PARD3B: variants seen among roughly 807,000 people sequenced by gnomAD.
PARD3B encodes the protein par-3 family cell polarity regulator beta, also known as partitioning defective 3 homolog B.
PARD3B carries 103 observed loss-of-function variants against 130.2 expected under a neutral mutation model. The ratio of observed to expected loss-of-function variants is 0.79; its 90% CI spans 0.67 to 0.93. The LOEUF (loss-of-function observed/expected upper bound fraction) is 0.93. PARD3B is among the 40% of genes least tolerant of loss of function. PARD3B has a pLI of 0.00. For missense variants in PARD3B, 1,609 were observed against 1,499.2 expected (o/e 1.07, Z -1.21); for synonymous variants, 583 against 553.2 (o/e 1.05, Z -0.76).
chr2:204,679,661 C>A (rs1161415228), intron 1 of PARD3B, among the ~76,000 whole-genome samples: 2 of 150,396 alleles, frequency 1.3e-5, no homozygotes, highest in Admixed American at 6.6e-5. Flanking sequence ...GTAAATGTTA[C>A]AATTTTTTTT....
intron 19 of PARD3B, among the ~76,000 whole-genome samples, chr2:205,427,124 A>G (rs1446725623): frequency 6.6e-6 from 1 of 152,222 alleles, no homozygotes; most frequent in Non-Finnish European, 1.5e-5. Context: ...CACTCTGTTG[A>G]TGAGACTGTA....
intron 1 of PARD3B, among the ~76,000 whole-genome samples, chr2:204,640,538 G>T (rs2035040734): frequency 6.6e-6 from 1 of 152,112 alleles, no homozygotes. Flanking sequence ...CCCTTTCCTT[G>T]TCCCTTCAAG....
intron 2 of PARD3B, among the ~76,000 whole-genome samples, chr2:204,859,585 C>G (rs764746184): frequency 1.3e-5 from 2 of 152,142 alleles, no homozygotes; most frequent in Non-Finnish European, 2.9e-5. Flanking sequence ...TATAAATGAA[C>G]TTGATTCCTG....
Position 205,176,424 on chromosome 2 carries a change from A to G in PARD3B, c.1792-21A>G. 1 of 1,579,738 alleles carries G rather than the reference A, an allele frequency of 6.3e-7. No individual in the cohort carries two copies. Among genetic ancestry groups the G allele is most frequent in the Admixed American group, 2.0e-5 (1 of 51,046 alleles). On this transcript the variant is annotated intron_variant, in intron 12 of 22. Coordinates refer to ENST00000406610, the MANE Select transcript of PARD3B (RefSeq NM_001302769.2). This position sits in a 1 kb window ranked among gnomAD's most constrained non-coding sequence, Gnocchi z 5.3. ...GGAACATATTAAAAATGCAAATGTAATTTTTACTTTTATCTCTTAGGATCC... is the reference window on the plus strand; with the variant it reads ...GGAACATATTAAAAATGCAAATGTAGTTTTTACTTTTATCTCTTAGGATCC...
At chr2:205,388,606 A>G (rs2045744563) in intron 18 of PARD3B, among the ~76,000 whole-genome samples, 1 of 152,170 alleles carries the variant, frequency 6.6e-6, no homozygotes, top group Non-Finnish European at 1.5e-5. Flanking sequence ...GTTGTTGTTT[A>G]ATTCTGGATA....
chr2:205,253,627 C>A lies in PARD3B; in HGVS notation c.2185+7805C>A. On this transcript the variant is annotated intron_variant, in intron 16 of 22. Coordinates refer to ENST00000406610, the MANE Select transcript of PARD3B (RefSeq NM_001302769.2). This position sits in a 1 kb window ranked among gnomAD's most constrained non-coding sequence, Gnocchi z 4.4. ...AGAAGCCTCCTTGGGGTTCCATTAC[C>A]CACACTCCAAGGTGGAAATCTTTCA... 2.7e-6 allele frequency: 1 copy of A among 372,608 alleles called. No individual in the cohort carries two copies. The highest frequency in any genetic ancestry group is 2.1e-5 in the South Asian group (1 of 47,640). The allele number at this position is 372,608 out of a possible 1,614,324, so 23.1% of individuals were successfully genotyped here.
At chr2:204,824,346 C>T (rs1268018582) in intron 2 of PARD3B, among the ~76,000 whole-genome samples, 2 of 152,110 alleles carry the variant, frequency 1.3e-5, no homozygotes, top group Non-Finnish European at 2.9e-5. Context: ...ATCCTTCTAC[C>T]AAAGATCACA....
chr2:204,658,237 C>T (rs2035699103), intron 1 of PARD3B, among the ~76,000 whole-genome samples: 1 of 152,056 alleles, frequency 6.6e-6, no homozygotes, highest in Non-Finnish European at 1.5e-5. Context: ...TCCTTCAAGT[C>T]AAACTATTGC....
In PARD3B at chr2:204,781,956, CTCT is replaced by C. The variant is rs1488019692; in HGVS notation, c.222+95676_222+95678del. On this transcript the variant is annotated intron_variant, in intron 2 of 22. Transcript: ENST00000406610. ...TTCCAGCTTTTATTATCAGATTCTG[CTCT>C]TAATATTTATCTTGTTCTTTTTTAC... 5.9e-5 allele frequency among the ~76,000 whole-genome samples: 9 copies of C among 152,094 alleles called. No homozygotes were observed. The East Asian group carries it at 1.5e-3, about 26-fold the overall frequency.
At chr2:205,132,623 A>G (rs2125649709) in intron 10 of PARD3B, among the ~76,000 whole-genome samples, 1 of 152,316 alleles carries the variant, frequency 6.6e-6, no homozygotes, top group Middle Eastern at 3.4e-3. Context: ...ATGCGCCCGA[A>G]TCACACAATA....
rs1466673550 is a variant in PARD3B, at chr2:205,397,161, G to T, written c.2631-3852G>T. On this transcript the variant is annotated intron_variant, in intron 18 of 22. Coordinates refer to ENST00000406610, the MANE Select transcript of PARD3B (RefSeq NM_001302769.2). This position sits in a 1 kb window ranked among gnomAD's most constrained non-coding sequence, Gnocchi z 4.8. ...TCATCTTAACAATGCGGGAGTTTTT[G>T]TTTTTGTTTTTAAGATTATTGTTTT... 6.6e-6 allele frequency among the ~76,000 whole-genome samples: 1 copy of T among 152,138 alleles called. No homozygotes were observed. The highest frequency in any genetic ancestry group is 1.5e-5 in the Non-Finnish European group (1 of 67,990).
chr2:204,654,592 T>A (rs1559032752), intron 1 of PARD3B, among the ~76,000 whole-genome samples: 1 of 152,162 alleles, frequency 6.6e-6, no homozygotes, highest in Non-Finnish European at 1.5e-5. Flanking sequence ...TTTATATCCA[T>A]ATAGTGGATT....
rs1262306550 is a variant in PARD3B at position 205,550,220 on chromosome 2, T to C, written c.3181-3104T>C. On this transcript the variant is annotated intron_variant, in intron 21 of 22. Coordinates refer to ENST00000406610, the MANE Select transcript of PARD3B (RefSeq NM_001302769.2). This position sits in a 1 kb window ranked among gnomAD's most constrained non-coding sequence, Gnocchi z 4.5. ...TCCATATTCAGGTTTGAGATGACGC[T>C]TCAACACCCGTATGACGCTGTCTTC... Among the ~76,000 whole-genome samples, 3 of 152,152 alleles carry C rather than the reference T, an allele frequency of 2.0e-5. No individual in the cohort carries two copies. The highest frequency in any genetic ancestry group is 7.2e-5 in the African/African-American group (3 of 41,428).
intron 22 of PARD3B, among the ~76,000 whole-genome samples, chr2:205,593,114 A>G (rs764388022): frequency 2.0e-5 from 3 of 152,250 alleles, no homozygotes; most frequent in Admixed American, 6.5e-5. Context: ...TTTTAGAACT[A>G]CAGAGGAAAG....
intron 11 of PARD3B, among the ~76,000 whole-genome samples, chr2:205,161,518 G>GA (rs369267800): frequency 1.0e-4 from 15 of 150,296 alleles, no homozygotes; most frequent in African/African-American, 3.0e-4. Flanking sequence ...TTAACCAGGG[G>GA]AAAAAAAAGT....
At chr2:205,376,551 G>A (rs2045061853) in intron 18 of PARD3B, among the ~76,000 whole-genome samples, 1 of 152,152 alleles carries the variant, frequency 6.6e-6, no homozygotes, top group Non-Finnish European at 1.5e-5. Flanking sequence ...TAGTCTGCTG[G>A]TTTCTGTCAA....
chr2:204,628,168 T>C (rs2034552442), intron 1 of PARD3B, among the ~76,000 whole-genome samples: 1 of 152,118 alleles, frequency 6.6e-6, no homozygotes, highest in Non-Finnish European at 1.5e-5. Context: ...ACTCTAATTA[T>C]TAACCACCCT....
At chr2:205,111,602 A>C (rs941203514) in intron 5 of PARD3B, among the ~76,000 whole-genome samples, 1 of 152,110 alleles carries the variant, frequency 6.6e-6, no homozygotes. Flanking sequence ...ATGAGAATTC[A>C]TAAAAGGTAT....
In PARD3B at chr2:205,325,394, A is replaced by G. The variant is rs1484608568; in HGVS notation, c.2630+23693A>G. ...GCCCTTTCCCCATCCTTCAATCCAC[A>G]CTAACCCCGTGGTCAACTCTTAGTG... is the stretch of plus-strand genomic sequence containing the variant. On this transcript the variant is annotated intron_variant, in intron 18 of 22. Transcript: ENST00000406610. This position sits in a 1 kb window ranked among gnomAD's most constrained non-coding sequence, Gnocchi z 4.1. Among the ~76,000 whole-genome samples the G allele has an allele frequency of 2.0e-5, 3 of 152,064 alleles. No individual in the cohort carries two copies.
Sources: gnomAD v4.1 joint callset for allele counts (sites outside exome capture counted in the v4.1 genomes callset) on GRCh38, gnomAD v4.1.1 for gene constraint, Gnocchi (gnomAD v3.1) non-coding constraint, MANE v1.5 for transcripts, NCBI Gene and HGNC (gene_info 2026-07-23, HGNC 2026-07-21) for gene names.